The following KAZN variants were observed in gnomAD, a reference collection of about 807,000 sequenced individuals.
The protein encoded by KAZN is kazrin, periplakin interacting protein, also known as kazrin.
In KAZN, 40 loss-of-function variants were observed where a neutral mutation model predicts 87.4. The ratio of observed to expected loss-of-function variants is 0.46; its 90% CI spans 0.36 to 0.60. The LOEUF is 0.60. KAZN is among the 20% of genes least tolerant of loss of function. The pLI, the probability that KAZN is intolerant of heterozygous loss-of-function variation, is 0.00. For missense variants in KAZN, 898 were observed against 1,073.9 expected (o/e 0.84, Z 2.29); for synonymous variants, 466 against 458.3 (o/e 1.02, Z -0.22).
chr1:14,846,576 A>G (rs1572635737), intron 1 of KAZN, among the ~76,000 whole-genome samples: 1 of 152,144 alleles, frequency 6.6e-6, no homozygotes, highest in Non-Finnish European at 1.5e-5. Flanking sequence ...AAGAACACAT[A>G]TTTATTTTAG....
intron 1 of KAZN, among the ~76,000 whole-genome samples, chr1:14,729,089 G>A (rs553971934): frequency 7.8e-4 from 118 of 152,212 alleles, no homozygotes; most frequent in African/African-American, 2.2e-4. Flanking sequence ...TTTCCTGCCC[G>A]TCTCCTGCCT....
chr1:14,198,439 CA>C (rs1646572815), intron 2 of KAZN, among the ~76,000 whole-genome samples: 1 of 151,992 alleles, frequency 6.6e-6, no homozygotes, highest in African/African-American at 2.4e-5. Context: ...ATCTCTAATA[CA>C]AATATAAAAA....
chr1:15,037,930 C>T (rs540679305), intron 3 of KAZN, among the ~76,000 whole-genome samples: 2 of 152,240 alleles, frequency 1.3e-5, no homozygotes, highest in East Asian at 3.9e-4. Flanking sequence ...TCCCTGAGAA[C>T]ACATGCCCTG....
intron 1 of KAZN, among the ~76,000 whole-genome samples, chr1:14,606,667 G>A (rs1677390503): frequency 1.3e-5 from 2 of 152,040 alleles, no homozygotes; most frequent in Admixed American, 1.3e-4. Flanking sequence ...CCAAGACCAT[G>A]CCCAACAGAG....
At chr1:14,684,983 T>C (rs1640870802) in intron 1 of KAZN, among the ~76,000 whole-genome samples, 1 of 152,178 alleles carries the variant, frequency 6.6e-6, no homozygotes, top group South Asian at 2.1e-4. Context: ...CATGGTGACA[T>C]TCATGTAACT....
At chr1:14,977,724 G>A (rs1665794161) in intron 2 of KAZN, among the ~76,000 whole-genome samples, 1 of 152,188 alleles carries the variant, frequency 6.6e-6, no homozygotes, top group South Asian at 2.1e-4. Context: ...GCCCTGGGTG[G>A]CGCCCAGGAG....
At chr1:14,659,164 G>A (rs1005548492) in intron 1 of KAZN, among the ~76,000 whole-genome samples, 3 of 152,190 alleles carry the variant, frequency 2.0e-5, no homozygotes, top group East Asian at 1.9e-4. Context: ...CTTGAACCCC[G>A]TTGTAGTGAG....
At chr1:14,323,917 A>G (rs1656222871) in intron 2 of KAZN, among the ~76,000 whole-genome samples, 2 of 152,314 alleles carry the variant, frequency 1.3e-5, no homozygotes, top group South Asian at 4.1e-4. Flanking sequence ...GTTGAGAAGC[A>G]GTTGCTTCTT....
chr1:14,714,049 A>G (rs79943090), intron 1 of KAZN, among the ~76,000 whole-genome samples: 69 of 152,302 alleles, frequency 4.5e-4, no homozygotes, highest in Non-Finnish European at 8.4e-4. Flanking sequence ...GTGAAGTTTC[A>G]TTAGATCCAT....
chr1:14,345,602 C>T (rs1445558810), intron 2 of KAZN, among the ~76,000 whole-genome samples: 2 of 152,180 alleles, frequency 1.3e-5, no homozygotes, highest in Non-Finnish European at 2.9e-5. Context: ...TCAGTGCACA[C>T]CAGCCCCATT....
intron 1 of KAZN, among the ~76,000 whole-genome samples, chr1:14,798,496 C>T (rs1373653449): frequency 2.1e-5 from 1 of 47,092 alleles, no homozygotes; most frequent in Non-Finnish European, 3.3e-5. Flanking sequence ...GGCCCTATCT[C>T]GGCTCACTGC....
chr1:14,116,746 G>A (rs1644629857), intron 1 of KAZN, among the ~76,000 whole-genome samples: 1 of 152,212 alleles, frequency 6.6e-6, no homozygotes. Flanking sequence ...TGGAAAAGCT[G>A]CAGACACTCA....
At chr1:14,885,966 G>C (rs755044200) in intron 1 of KAZN, among the ~76,000 whole-genome samples, 1 of 152,086 alleles carries the variant, frequency 6.6e-6, no homozygotes, top group Non-Finnish European at 1.5e-5. Flanking sequence ...GTGCCCTGTA[G>C]GATGTTTAGC....
intron 2 of KAZN, among the ~76,000 whole-genome samples, chr1:14,519,864 C>T (rs1671492381): frequency 6.6e-6 from 1 of 152,030 alleles, no homozygotes; most frequent in Non-Finnish European, 1.5e-5. Context: ...CTGGGTTGGC[C>T]TCACAGGGTT....
At chr1:14,187,537 T>C (rs868435215) in intron 2 of KAZN, among the ~76,000 whole-genome samples, 5 of 152,156 alleles carry the variant, frequency 3.3e-5, no homozygotes, top group Admixed American at 1.3e-4. Flanking sequence ...ACCATCACCC[T>C]TTAGATGAGA....
At chr1:13,935,900 G>GTGTA (rs60444554) in intron 1 of KAZN, among the ~76,000 whole-genome samples, 14,594 of 141,362 alleles carry the variant, frequency 0.1, 1,390 homozygotes, top group African/African-American at 0.18. Context: ...GTGTGTGTGT[G>GTGTA]TAGAATCAGA....
At chr1:13,925,117 GCTTT>G (rs1640224782) in intron 1 of KAZN, among the ~76,000 whole-genome samples, 1 of 152,146 alleles carries the variant, frequency 6.6e-6, no homozygotes, top group South Asian at 2.1e-4. Context: ...CCACTCATCT[GCTTT>G]CTGTTTCTAT....
intron 2 of KAZN, among the ~76,000 whole-genome samples, chr1:14,243,097 A>G (rs184984322): frequency 4.1e-4 from 63 of 152,272 alleles, no homozygotes; most frequent in Non-Finnish European, 6.9e-4. Flanking sequence ...ACATCACTCA[A>G]GAAACGTCCC....
chr1:14,574,880 G>A lies in KAZN; in HGVS notation c.250-24103G>A, dbSNP rs150055412. On this transcript the variant is annotated intron_variant, in intron 2 of 16. Transcript: ENST00000636203. ...GGATGCTCAGAGCGCACAGAGCAGT[G>A]GCTGTCTCTGTTCAGCCAAGACTTC... Among the ~76,000 whole-genome samples, 10 of 152,284 alleles carry A rather than the reference G, an allele frequency of 6.6e-5. No homozygotes were observed. In the East Asian group the frequency reaches 1.9e-3, roughly 29 times the overall value.
Sources: allele counts gnomAD v4.1 joint callset (sites outside exome capture counted in the v4.1 genomes callset), GRCh38; gene constraint gnomAD v4.1.1; transcripts MANE v1.5; gene names NCBI Gene and HGNC (gene_info 2026-07-23, HGNC 2026-07-21).